The following KCND2 variants were observed in gnomAD, a reference collection of about 807,000 sequenced individuals.
KCND2 encodes A-type voltage-gated potassium channel KCND2.
A neutral mutation model predicts 54.4 loss-of-function variants in KCND2; 16 were observed. The observed-to-expected ratio is 0.29, with a 90% CI of 0.20 to 0.45. The LOEUF is 0.45. Among genes scored for constraint, KCND2 ranks in the 20% least tolerant of loss-of-function variants. The pLI is 1.00. For missense variants in KCND2, 486 were observed against 824.2 expected, an observed-to-expected ratio of 0.59 and a Z score of 5.02; for synonymous variants, 317 against 310.7, an observed-to-expected ratio of 1.02 and a Z score of -0.21.
chr7:120,729,865 A>T (rs1792783311), intron 1 of KCND2, among the ~76,000 whole-genome samples: 1 of 152,070 alleles, frequency 6.6e-6, no homozygotes, highest in South Asian at 2.1e-4. Context: ...TATGACACGA[A>T]GCTTATGTAT....
At chr7:120,281,281 C>T (rs113295259) in intron 1 of KCND2, among the ~76,000 whole-genome samples, 4 of 152,162 alleles carry the variant, frequency 2.6e-5, no homozygotes, top group Non-Finnish European at 4.4e-5. Context: ...CTTCTACTCT[C>T]CATATGTCTT....
intron 1 of KCND2, among the ~76,000 whole-genome samples, chr7:120,519,137 A>G (rs1474637909): frequency 1.3e-5 from 2 of 151,976 alleles, no homozygotes; most frequent in East Asian, 1.9e-4. Context: ...AGATCAGACT[A>G]GTCAACGTGG....
chr7:120,457,178 G>A (rs989986764), intron 1 of KCND2, among the ~76,000 whole-genome samples: 1 of 152,112 alleles, frequency 6.6e-6, no homozygotes, highest in Non-Finnish European at 1.5e-5. Flanking sequence ...TTTCCTCCTA[G>A]GCCTCTGGGT....
At chr7:120,448,433 T>C (rs918438148) in intron 1 of KCND2, among the ~76,000 whole-genome samples, 4 of 152,162 alleles carry the variant, frequency 2.6e-5, no homozygotes, top group Non-Finnish European at 5.9e-5. Context: ...CTATCATTGA[T>C]GGACATTTGG....
intron 1 of KCND2, among the ~76,000 whole-genome samples, chr7:120,473,867 G>C (rs1433513739): frequency 6.6e-6 from 1 of 152,182 alleles, no homozygotes; most frequent in East Asian, 1.9e-4. Flanking sequence ...AGAGAAAGGA[G>C]GTTTCTGTGG....
At chr7:120,309,550 G>GAC (rs200135604) in intron 1 of KCND2, among the ~76,000 whole-genome samples, 2,004 of 134,524 alleles carry the variant, frequency 0.015, 53 homozygotes, top group African/African-American at 0.049. Context: ...ACCCCCCACA[G>GAC]ACACACACAC....
At chr7:120,491,260 G>A (rs1802775227) in intron 1 of KCND2, among the ~76,000 whole-genome samples, 1 of 152,122 alleles carries the variant, frequency 6.6e-6, no homozygotes, top group Non-Finnish European at 1.5e-5. Flanking sequence ...TGCTGGGTAA[G>A]TCCATATTCC....
chr7:120,697,238 C>T (rs1227678719), intron 1 of KCND2, among the ~76,000 whole-genome samples: 1 of 152,128 alleles, frequency 6.6e-6, no homozygotes, highest in Non-Finnish European at 1.5e-5. Context: ...ATACTGCAAC[C>T]AATAATTTTT....
intron 1 of KCND2, among the ~76,000 whole-genome samples, chr7:120,294,894 T>C (rs572054581): frequency 7.3e-5 from 11 of 151,710 alleles, no homozygotes; most frequent in African/African-American, 2.7e-4. Flanking sequence ...CAGTAAAATA[T>C]GTTTGCAATG....
chr7:120,728,414 C>T (rs1046313731), intron 1 of KCND2, among the ~76,000 whole-genome samples: 2 of 151,586 alleles, frequency 1.3e-5, no homozygotes, highest in Non-Finnish European at 2.9e-5. Flanking sequence ...GCCTCAGCCT[C>T]CCAAGTAGCT....
chr7:120,610,665 G>A (rs1792942935), intron 1 of KCND2, among the ~76,000 whole-genome samples: 1 of 151,988 alleles, frequency 6.6e-6, no homozygotes, highest in South Asian at 2.1e-4. Context: ...AAATAAACAC[G>A]AGATAGATAT....
Position 120,592,405 on chromosome 7 carries a change from G to C in KCND2, c.1116-140498G>C, listed in dbSNP as rs185349607. On this transcript the variant is annotated intron_variant, in intron 1 of 5. Transcript: ENST00000331113. ...CATCTCTAAAGATACAAAAATTAGC[G>C]GGCGTGGTGGTGATCCCAGCTACTC... Among the ~76,000 whole-genome samples, 8 of 152,130 alleles carry C rather than the reference G, an allele frequency of 5.3e-5. No individual in the cohort carries two copies. The East Asian group carries it at 1.4e-3, about 26-fold the overall frequency.
chr7:120,624,642 A>G (rs957348385), intron 1 of KCND2, among the ~76,000 whole-genome samples: 1 of 151,996 alleles, frequency 6.6e-6, no homozygotes, highest in Non-Finnish European at 1.5e-5. Context: ...TTAGCCTAGC[A>G]TGGTGGCCCA....
intron 2 of KCND2, among the ~76,000 whole-genome samples, chr7:120,741,211 T>C (rs1371789823): frequency 6.6e-6 from 1 of 152,044 alleles, no homozygotes; most frequent in Non-Finnish European, 1.5e-5. Context: ...TAAATGAAAA[T>C]ATAAGTAAAG....
At chr7:120,373,635 T>C (rs1241863221) in intron 1 of KCND2, among the ~76,000 whole-genome samples, 2 of 151,862 alleles carry the variant, frequency 1.3e-5, no homozygotes, top group Non-Finnish European at 2.9e-5. Flanking sequence ...AACACTTAAA[T>C]CCTTAGATAT....
At chr7:120,742,376 T>G (rs1792952780) in intron 3 of KCND2, 134 bp from the exon 4 acceptor site, 2 of 761,298 alleles carry the variant, frequency 2.6e-6, no homozygotes, top group Non-Finnish European at 4.7e-6. Flanking sequence ...AACTGCACAT[T>G]TGTTCCTTTC....
At chr7:120,382,365 C>T (rs1800927504) in intron 1 of KCND2, among the ~76,000 whole-genome samples, 1 of 151,822 alleles carries the variant, frequency 6.6e-6, no homozygotes. Flanking sequence ...TTACGCTAAG[C>T]TGCTAGAAGA....
At chr7:120,425,129 C>G (rs528599643) in intron 1 of KCND2, among the ~76,000 whole-genome samples, 165 of 152,224 alleles carry the variant, frequency 1.1e-3, no homozygotes, top group Non-Finnish European at 1.6e-3. Context: ...TTTTTCCTCT[C>G]CTTATGCTCT....
intron 1 of KCND2, among the ~76,000 whole-genome samples, chr7:120,389,620 A>G (rs1413674676): frequency 1.3e-5 from 2 of 151,692 alleles, no homozygotes; most frequent in Non-Finnish European, 2.9e-5. Context: ...TGTTTGTTTT[A>G]GATTCTGTAT....
Sources: gnomAD v4.1 joint callset for allele counts (sites outside exome capture counted in the v4.1 genomes callset) on GRCh38, gnomAD v4.1.1 for gene constraint, MANE v1.5 for transcripts, NCBI Gene and HGNC (gene_info 2026-07-23, HGNC 2026-07-21) for gene names.